The following HDAC9 variants were observed in gnomAD, a reference collection of about 807,000 sequenced individuals.
HDAC9 encodes the protein histone deacetylase 9, also known as MEF-2 interacting transcription repressor (MITR) protein.
A neutral mutation model predicts 139.4 loss-of-function variants in HDAC9; 41 were observed. The ratio of observed to expected loss-of-function variants is 0.29; its 90% confidence interval spans 0.23 to 0.38. HDAC9 has a LOEUF of 0.38. HDAC9 is among the 10% of genes least tolerant of loss of function. HDAC9 has a pLI of 1.00. For missense variants in HDAC9, 1,147 were observed against 1,297.0 expected, an observed-to-expected ratio of 0.88 and a Z score of 1.78; for synonymous variants, 517 against 476.2, an observed-to-expected ratio of 1.09 and a Z score of -1.12.
intron 22 of HDAC9, among the ~76,000 whole-genome samples, chr7:18,895,829 T>G (rs1368872076): frequency 6.6e-6 from 1 of 151,984 alleles, no homozygotes; most frequent in Non-Finnish European, 1.5e-5. Context: ...TCCAAGAGTT[T>G]CCTGTTTAGA....
intron 17 of HDAC9, among the ~76,000 whole-genome samples, chr7:18,796,077 A>G (rs984426013): frequency 2.6e-5 from 4 of 152,190 alleles, no homozygotes; most frequent in African/African-American, 9.6e-5. Context: ...ATTAAATAAA[A>G]TTGGCATGTT....
At chr7:18,872,217 T>C (rs1798973047) in intron 21 of HDAC9, among the ~76,000 whole-genome samples, 1 of 152,164 alleles carries the variant, frequency 6.6e-6, no homozygotes, top group African/African-American at 2.4e-5. Context: ...TCCCATCTTT[T>C]TCTTACTTTT....
Position 18,186,568 on chromosome 7 carries a change from T to A in HDAC9, c.25+24219T>A, listed in dbSNP as rs190971821. Among the ~76,000 whole-genome samples, 167 of 152,304 alleles carry A rather than the reference T, an allele frequency of 1.1e-3. 1 individual carries two copies. Among genetic ancestry groups the A allele is most frequent in the African/African-American group, 3.7e-3 (154 of 41,562 alleles). ...GTAGGGAGAAAATAGAAGAGAGCTC[T>A]TCTGGATTAACATGAAGTGGCTTGA... On this transcript the variant is annotated intron_variant, in intron 2 of 12. Coordinates refer to the HDAC9 transcript ENST00000417496.
At chr7:18,978,381 C>T (rs573835496) in intron 25 of HDAC9, among the ~76,000 whole-genome samples, 4 of 151,946 alleles carry the variant, frequency 2.6e-5, no homozygotes, top group East Asian at 1.9e-4. Context: ...ATTTTTTGTT[C>T]GTTTTTCTTG....
intron 12 of HDAC9, among the ~76,000 whole-genome samples, chr7:18,673,581 TTTAC>T (rs1267301141): frequency 6.6e-6 from 1 of 152,116 alleles, no homozygotes; most frequent in Non-Finnish European, 1.5e-5. Context: ...TCTTACCTGT[TTTAC>T]TTTTTAAATG....
chr7:18,723,730 G>T (rs893473522), intron 12 of HDAC9, among the ~76,000 whole-genome samples: 1 of 151,902 alleles, frequency 6.6e-6, no homozygotes, highest in Non-Finnish European at 1.5e-5. Flanking sequence ...AAAAAGAAAG[G>T]TAGCGGGTGG....
intron 2 of HDAC9, among the ~76,000 whole-genome samples, chr7:18,504,480 G>A (rs1799213197): frequency 6.6e-6 from 1 of 151,974 alleles, no homozygotes; most frequent in East Asian, 1.9e-4. Context: ...AATTTTTGTA[G>A]TTTTAGTAGA....
intron 22 of HDAC9, among the ~76,000 whole-genome samples, chr7:18,880,587 T>C (rs10270210): frequency 0.56 from 85,690 of 151,882 alleles, 26,425 homozygotes; most frequent in African/African-American, 0.82. Flanking sequence ...TCACTTTCAA[T>C]TGGGAGCTAA....
intron 12 of HDAC9, among the ~76,000 whole-genome samples, chr7:18,675,475 G>A (rs1781441803): frequency 1.3e-5 from 2 of 152,010 alleles, no homozygotes; most frequent in African/African-American, 2.4e-5. Flanking sequence ...AGTGTAATGA[G>A]TACTAGCATA....
intron 1 of HDAC9, among the ~76,000 whole-genome samples, chr7:18,427,520 A>G (rs958237907): frequency 4.0e-5 from 6 of 151,640 alleles, no homozygotes; most frequent in Admixed American, 1.3e-4. Context: ...CTCCCAATCC[A>G]CAATCAATCT....
At chr7:18,611,195 C>T (rs1837027337) in intron 6 of HDAC9, among the ~76,000 whole-genome samples, 1 of 152,016 alleles carries the variant, frequency 6.6e-6, no homozygotes, top group Non-Finnish European at 1.5e-5. Flanking sequence ...GATGTTTAAC[C>T]TACTTTAGAC....
rs563108571 is a variant in HDAC9, at chr7:18,969,458, A to C, written c.3023-6348A>C. On this transcript the variant is annotated intron_variant, in intron 24 of 25. Transcript: ENST00000686413. ...GTCCAATACTCTCTCAAATAATATG[A>C]CAAAATCCAATAGCCAAAAAATGTT... 1.2e-4 allele frequency among the ~76,000 whole-genome samples: 19 copies of C among 152,338 alleles called. No individual in the cohort carries two copies. In the South Asian group the frequency reaches 3.9e-3, roughly 32 times the overall value.
Position 18,629,465 on chromosome 7 carries a change from A to G in HDAC9, c.780A>G (p.Arg260=). 6.2e-7 allele frequency: 1 copy of G among 1,612,274 alleles called. No individual in the cohort carries two copies. The highest frequency in any genetic ancestry group is 8.5e-7 in the Non-Finnish European group (1 of 1,178,864). Residue 260 remains arginine (R), a synonymous_variant, in exon 7 of 26, where the codon CGA becomes CGG. Coordinates refer to ENST00000686413, the MANE Select transcript of HDAC9 (RefSeq NM_178425.4). ...ATGTTGTCACTTCATTCAAGAAGCG[A>G]ATGTTTGAGGTGACAGGTAATTGAG... The part of the protein sequence containing the change: ...DGNVVTSFKK[R]MFEVTESSVS...
intron 1 of HDAC9, among the ~76,000 whole-genome samples, chr7:18,094,243 T>G (rs1302557253): frequency 1.3e-5 from 2 of 152,180 alleles, no homozygotes; most frequent in African/African-American, 4.8e-5. Context: ...CAGCCCCAGC[T>G]TGACTGGGGT....
At chr7:18,987,187 T>A (rs947622744) in intron 25 of HDAC9, among the ~76,000 whole-genome samples, 1 of 152,226 alleles carries the variant, frequency 6.6e-6, no homozygotes, top group African/African-American at 2.4e-5. Flanking sequence ...CCATTCAGTA[T>A]GATATTGGCT....
At chr7:18,189,922 T>G (rs937462374) in intron 2 of HDAC9, among the ~76,000 whole-genome samples, 7 of 79,354 alleles carry the variant, frequency 8.8e-5, no homozygotes, top group Non-Finnish European at 1.1e-4. Context: ...TTGTGTGTGG[T>G]GTGTGTGTGT....
chr7:18,774,213 G>T (rs905956958), intron 16 of HDAC9, among the ~76,000 whole-genome samples: 1 of 151,922 alleles, frequency 6.6e-6, no homozygotes, highest in African/African-American at 2.4e-5. Flanking sequence ...ACTAAGCAAT[G>T]ATTCTCTTAG....
At chr7:18,408,373 C>A (rs1788216402) in intron 1 of HDAC9, among the ~76,000 whole-genome samples, 1 of 152,054 alleles carries the variant, frequency 6.6e-6, no homozygotes, top group Admixed American at 6.6e-5. Flanking sequence ...TGTCTCTTGG[C>A]CTTTGAGTAT....
At chr7:18,976,122 A>AT (rs536823533) in intron 25 of HDAC9, among the ~76,000 whole-genome samples, 169 bp downstream of exon 25, 150 of 152,306 alleles carry the variant, frequency 9.8e-4, no homozygotes, top group Non-Finnish European at 2.0e-3. Context: ...TCGAGAATTC[A>AT]TTGCTTCATT....
Sources: gnomAD v4.1 joint callset for allele counts (sites outside exome capture counted in the v4.1 genomes callset) on GRCh38, gnomAD v4.1.1 for gene constraint, MANE v1.5 for transcripts, NCBI Gene and HGNC (gene_info 2026-07-23, HGNC 2026-07-21) for gene names.